The following DPH6 variants were observed in gnomAD, a reference collection of about 807,000 sequenced individuals.
DPH6 encodes the protein diphthine--ammonia ligase.
DPH6 carries 33 observed loss-of-function variants against 38.2 expected under a neutral mutation model. The observed-to-expected ratio is 0.86, with a 90% CI of 0.65 to 1.15. The LOEUF is 1.15. Among genes scored for constraint, DPH6 ranks in the 50% most tolerant of loss-of-function variants. DPH6 has a pLI of 0.00. For missense variants in DPH6, 325 were observed against 320.0 expected, an observed-to-expected ratio of 1.02 and a Z score of -0.12; for synonymous variants, 108 against 103.0, an observed-to-expected ratio of 1.05 and a Z score of -0.30.
At chr15:35,193,270 A>G in the DPH6 span, among the ~76,000 whole-genome samples, 4 of 152,266 alleles carry the variant, frequency 2.6e-5, no homozygotes, top group Middle Eastern at 3.4e-3. Context: ...AGAGAGGGAC[A>G]TTAACTAAAT....
chr15:35,282,876 C>T (rs923111712), intron 3 of DPH6: 4 of 343,246 alleles, frequency 1.2e-5, no homozygotes, highest in African/African-American at 4.3e-5. Context: ...ATGAAGACCC[C>T]ATCGGGGGGT....
At chr15:35,192,849 C>T in the DPH6 span, among the ~76,000 whole-genome samples, 1 of 152,142 alleles carries the variant, frequency 6.6e-6, no homozygotes, top group African/African-American at 2.4e-5. Flanking sequence ...TTTGCCAGGG[C>T]ATCATGCCAA....
At chr15:35,397,981 A>C (rs1320926276) in intron 6 of DPH6, among the ~76,000 whole-genome samples, 1 of 151,610 alleles carries the variant, frequency 6.6e-6, no homozygotes, top group African/African-American at 2.4e-5. Flanking sequence ...AGAGCATGCT[A>C]TCTCCTTCAA....
chr15:35,405,478 T>C (rs558796663), intron 6 of DPH6, among the ~76,000 whole-genome samples: 1 of 152,228 alleles, frequency 6.6e-6, no homozygotes, highest in South Asian at 2.1e-4. Context: ...TAAATGGGAT[T>C]ACTTTTTTGA....
chr15:35,444,824 C>T (rs567626348), intron 5 of DPH6, among the ~76,000 whole-genome samples: 1 of 152,212 alleles, frequency 6.6e-6, no homozygotes, highest in East Asian at 1.9e-4. Context: ...CTTTTCATCA[C>T]GAGCTTTCAG....
At chr15:35,187,142 T>C in the DPH6 span, among the ~76,000 whole-genome samples, 53 of 152,334 alleles carry the variant, frequency 3.5e-4, no homozygotes, top group Non-Finnish European at 5.7e-4. Context: ...GAAGATTTAA[T>C]ACTAGGCTAC....
chr15:35,426,866 TA>T (rs974135004), intron 5 of DPH6, among the ~76,000 whole-genome samples: 426 of 138,584 alleles, frequency 3.1e-3, no homozygotes, highest in Middle Eastern at 7.4e-3. Context: ...GTGGATGGTT[TA>T]AAAAAAAAAA....
At chr15:35,172,951 C>T in the DPH6 span, among the ~76,000 whole-genome samples, 36 of 152,166 alleles carry the variant, frequency 2.4e-4, 1 homozygote, top group African/African-American at 7.7e-4. Flanking sequence ...CACCATGTCC[C>T]GCTACTTTTG....
the DPH6 span, among the ~76,000 whole-genome samples, chr15:35,174,797 A>G: frequency 6.6e-6 from 1 of 152,234 alleles, no homozygotes; most frequent in African/African-American, 2.4e-5. Flanking sequence ...GGAGCTAATT[A>G]CTTTCAAGAT....
intron 3 of DPH6, among the ~76,000 whole-genome samples, chr15:35,486,048 C>G (rs192003200): frequency 6.6e-6 from 1 of 152,322 alleles, no homozygotes; most frequent in African/African-American, 2.4e-5. Flanking sequence ...ACACCTGAGA[C>G]TTGGTAATTT....
intron 3 of DPH6, chr15:35,238,043 GA>G: frequency 6.4e-7 from 1 of 1,563,160 alleles, no homozygotes; most frequent in South Asian, 1.1e-5. Flanking sequence ...ACCTGAAGAT[GA>G]GGGAGAAGAT....
intron 3 of DPH6, among the ~76,000 whole-genome samples, chr15:35,464,470 A>G (rs2054104478): frequency 6.6e-6 from 1 of 152,186 alleles, no homozygotes; most frequent in South Asian, 2.1e-4. Flanking sequence ...TGATAAGAAA[A>G]TAGATTCATA....
intron 2 of DPH6, among the ~76,000 whole-genome samples, chr15:35,541,262 AAG>A (rs1241206355): frequency 6.6e-6 from 1 of 152,176 alleles, no homozygotes; most frequent in Non-Finnish European, 1.5e-5. Context: ...AGAAGGAAAG[AAG>A]ATTCAAATAT....
intron 3 of DPH6, among the ~76,000 whole-genome samples, chr15:35,498,878 TAGG>T (rs971952626): frequency 1.4e-5 from 2 of 143,956 alleles, no homozygotes; most frequent in African/African-American, 5.3e-5. Flanking sequence ...GAGGCTGAGG[TAGG>T]AGAATTACTT....
chr15:35,241,335 C>G (rs999394274), intron 3 of DPH6, among the ~76,000 whole-genome samples: 1 of 142,484 alleles, frequency 7.0e-6, no homozygotes, highest in Non-Finnish European at 1.5e-5. Context: ...AAGTCCGTCC[C>G]GTTCTTAATC....
At position 35,282,809 on chromosome 15, in the gene DPH6, G is replaced by GACCATCAGCCCACGCCAGCTGC. The variant is rs2051908135; in HGVS notation, n.201-62249_201-62228dup. 3 of 340,264 alleles carry GACCATCAGCCCACGCCAGCTGC rather than the reference G, an allele frequency of 8.8e-6. No homozygotes were observed. In the South Asian group the frequency reaches 9.5e-5, roughly 11 times the overall value. 21.1% of individuals were successfully genotyped at this position (340,264 alleles called of 1,614,324 possible). The stretch of plus-strand genomic sequence containing the variant: ...AATCCAGCACAGCATCACAGCACAG[G>GACCATCAGCCCACGCCAGCTGC]ACCATCAGCCCACGCCAGCTGCATC... On this transcript the variant is annotated intron_variant and non_coding_transcript_variant, in intron 3 of 3. Coordinates refer to the DPH6 transcript ENST00000560386.
chr15:35,475,044 C>A (rs2054247679), intron 3 of DPH6, among the ~76,000 whole-genome samples: 1 of 151,886 alleles, frequency 6.6e-6, no homozygotes, highest in Admixed American at 6.6e-5. Context: ...CCTCAGACTT[C>A]ACCCCTGCAT....
At chr15:35,542,199 A>T (rs745600987) in intron 2 of DPH6, among the ~76,000 whole-genome samples, 2 of 152,128 alleles carry the variant, frequency 1.3e-5, no homozygotes, top group African/African-American at 2.4e-5. Context: ...GTCTATTAAG[A>T]TTAATAGTGC....
chr15:35,335,817 C>A (rs2052367072), intron 3 of DPH6, among the ~76,000 whole-genome samples: 1 of 152,116 alleles, frequency 6.6e-6, no homozygotes, highest in Non-Finnish European at 1.5e-5. Flanking sequence ...TTGTATAGCA[C>A]AATGCCTCCA....
Sources: allele counts gnomAD v4.1 joint callset (sites outside exome capture counted in the v4.1 genomes callset), GRCh38; gene constraint gnomAD v4.1.1; transcripts MANE v1.5; gene names NCBI Gene and HGNC (gene_info 2026-07-23, HGNC 2026-07-21).